Variants in LGR6 observed in about 807,000 individuals in gnomAD.
LGR6 encodes leucine rich repeat containing G protein-coupled receptor 6.
A neutral mutation model predicts 69.4 loss-of-function variants in LGR6; 45 were observed. The ratio of observed to expected loss-of-function variants is 0.65; its 90% CI spans 0.51 to 0.83. The LOEUF is 0.83. Ranked by LOEUF, LGR6 falls within the 40% of genes least tolerant of loss-of-function variation. LGR6 has a pLI of 0.00. For synonymous variants in LGR6, 538 were observed against 555.0 expected (o/e 0.97, Z 0.43); for missense variants, 1,108 against 1,246.7 (o/e 0.89, Z 1.68).
intron 14 of LGR6, among the ~76,000 whole-genome samples, chr1:202,307,947 G>A (rs1198282210): frequency 6.6e-6 from 1 of 152,200 alleles, no homozygotes; most frequent in Non-Finnish European, 1.5e-5. Context: ...GCCATGTACT[G>A]TGGGGCAGGT....
intron 6 of LGR6, among the ~76,000 whole-genome samples, chr1:202,282,141 G>A (rs972872565): frequency 6.6e-6 from 1 of 152,202 alleles, no homozygotes; most frequent in East Asian, 1.9e-4. Flanking sequence ...ACTGAGGTGT[G>A]GGGGACATGC....
At chr1:202,300,657 G>GAAAA (rs111707317) in intron 7 of LGR6, among the ~76,000 whole-genome samples, 192 bp from the exon 8 acceptor site, 3 of 105,036 alleles carry the variant, frequency 2.9e-5, no homozygotes, top group Non-Finnish European at 6.0e-5. Flanking sequence ...CCCTGTCTCA[G>GAAAA]AAAAAAAAAA....
intron 1 of LGR6, among the ~76,000 whole-genome samples, chr1:202,196,061 C>G (rs1658629107): frequency 6.6e-6 from 1 of 152,116 alleles, no homozygotes; most frequent in African/African-American, 2.4e-5. Context: ...GCCCCTCTCT[C>G]TCAAGACTCA....
chr1:202,220,838 G>A (rs3010073), intron 1 of LGR6, among the ~76,000 whole-genome samples: 61,223 of 151,660 alleles, frequency 0.4, 13,446 homozygotes, highest in East Asian at 0.71. Flanking sequence ...GATCTTAAAT[G>A]CTCCTATCAG....
chr1:202,205,423 C>T (rs866209174), intron 1 of LGR6, among the ~76,000 whole-genome samples: 5 of 151,644 alleles, frequency 3.3e-5, no homozygotes, highest in Non-Finnish European at 4.4e-5. Flanking sequence ...AACACACACA[C>T]ACCTAACACA....
intron 4 of LGR6, among the ~76,000 whole-genome samples, chr1:202,259,472 TTAGA>T (rs1228016001): frequency 1.3e-5 from 2 of 152,230 alleles, no homozygotes; most frequent in African/African-American, 4.8e-5. Flanking sequence ...TTTCTACTTC[TTAGA>T]TAGTTTTGAG....
At chr1:202,257,519 A>G (rs2148087208) in intron 4 of LGR6, among the ~76,000 whole-genome samples, 1 of 152,294 alleles carries the variant, frequency 6.6e-6, no homozygotes, top group African/African-American at 2.4e-5. Flanking sequence ...GCATGTAGAT[A>G]TCCACATGTT....
At position 202,276,333 on chromosome 1, in the gene LGR6, G is replaced by C. The variant is rs769967735; in HGVS notation, c.456G>C (p.Leu152=). The C allele has an allele frequency of 1.9e-6, 3 of 1,613,924 alleles. No homozygotes were observed. Among genetic ancestry groups the C allele is most frequent in the Non-Finnish European group, 2.5e-6 (3 of 1,179,978 alleles). ...SLRLDANLIS[L]VPERSFEGLS... ...GCCTAGATGCCAACCTCATCTCCCT[G>C]GTCCCGGAGAGGAGCTTTGAGGGGC... The change falls in exon 5 of 18, where the codon CTG becomes CTC. Residue 152 remains leucine, a synonymous_variant. Coordinates refer to ENST00000367278, the MANE Select transcript of LGR6 (RefSeq NM_001017403.2).
intron 3 of LGR6, among the ~76,000 whole-genome samples, chr1:202,230,905 A>G (rs923280129): frequency 6.6e-6 from 1 of 152,182 alleles, no homozygotes; most frequent in Non-Finnish European, 1.5e-5. Context: ...CTGGGGTAAC[A>G]GTCTGAGGAC....
chr1:202,286,656 T>A (rs1460451448), intron 6 of LGR6, among the ~76,000 whole-genome samples: 1 of 152,214 alleles, frequency 6.6e-6, no homozygotes, highest in Admixed American at 6.5e-5. Context: ...CAGTTCTTAA[T>A]CATCTTACAT....
At chr1:202,214,557 A>T (rs2147921463) in intron 1 of LGR6, among the ~76,000 whole-genome samples, 1 of 152,148 alleles carries the variant, frequency 6.6e-6, no homozygotes, top group Admixed American at 6.5e-5. Context: ...GCTCCACTGA[A>T]CCACCTGGCG....
chr1:202,254,948 G>A (rs1663643279), intron 4 of LGR6, among the ~76,000 whole-genome samples: 1 of 151,964 alleles, frequency 6.6e-6, no homozygotes, highest in Non-Finnish European at 1.5e-5. Flanking sequence ...GACAGTTTTT[G>A]CTAGGAGGGA....
intron 4 of LGR6, among the ~76,000 whole-genome samples, chr1:202,275,021 T>C (rs1665426241): frequency 6.6e-6 from 1 of 152,214 alleles, no homozygotes; most frequent in Admixed American, 6.5e-5. Context: ...AGAGCACTGA[T>C]GAGATGCTCA....
chr1:202,318,863 G>A lies in LGR6; in HGVS notation c.2560G>A (p.Ala854Thr). ...AGGGGACTCAGGGCCCCTAGCCTAT[G>A]CTGCGGCCGGGGAGCTGGAGAAGAG... ...RAGDSGPLAY[A>T]AAGELEKSSC... The change falls in exon 18 of 18, where the codon GCT becomes ACT. Residue 854 changes from alanine (A) to threonine (T), a missense_variant. Physicochemically the swap from Ala to Thr is moderately conservative, Grantham distance 58 (BLOSUM62 0). Coordinates refer to ENST00000367278, the MANE Select transcript of LGR6 (RefSeq NM_001017403.2). 6.2e-7 allele frequency: 1 copy of A among 1,613,800 alleles called. No homozygotes were observed. Among genetic ancestry groups the A allele is most frequent in the Non-Finnish European group, 8.5e-7 (1 of 1,179,874 alleles).
At chr1:202,271,836 G>A (rs1044545625) in intron 4 of LGR6, among the ~76,000 whole-genome samples, 1 of 149,736 alleles carries the variant, frequency 6.7e-6, no homozygotes, top group African/African-American at 2.4e-5. Context: ...AAAAGAGAGA[G>A]GGGAGAGAGG....
chr1:202,314,343 C>T (rs1653978359), intron 16 of LGR6, among the ~76,000 whole-genome samples: 1 of 152,198 alleles, frequency 6.6e-6, no homozygotes, highest in Non-Finnish European at 1.5e-5. Context: ...CTCCCACCCC[C>T]TAGTTCACTC....
At chr1:202,204,501 C>A in intron 1 of LGR6, among the ~76,000 whole-genome samples, 1 of 50,932 alleles carries the variant, frequency 2.0e-5, no homozygotes, top group Non-Finnish European at 4.1e-5. Context: ...ACACACACAC[C>A]TCCAAACACA....
At chr1:202,206,676 A>C (rs1318751238) in intron 1 of LGR6, among the ~76,000 whole-genome samples, 2 of 152,124 alleles carry the variant, frequency 1.3e-5, no homozygotes, top group East Asian at 3.9e-4. Flanking sequence ...CAGCCTCCTG[A>C]GTAGCCGAGA....
At chr1:202,315,174 GA>G (rs1204068862) in intron 17 of LGR6, among the ~76,000 whole-genome samples, 3 of 152,220 alleles carry the variant, frequency 2.0e-5, no homozygotes, top group African/African-American at 7.2e-5. Flanking sequence ...AAGCAGGAAA[GA>G]ATGCCTTGAC....
Sources: allele counts gnomAD v4.1 joint callset (sites outside exome capture counted in the v4.1 genomes callset), GRCh38; gene constraint gnomAD v4.1.1; transcripts MANE v1.5; gene names NCBI Gene and HGNC (gene_info 2026-07-23, HGNC 2026-07-21).